Variants in GABPB1 observed in about 807,000 individuals in gnomAD.
GABPB1 encodes the protein GA binding protein transcription factor subunit beta 1.
Under a neutral mutation model 45.9 loss-of-function variants are expected in GABPB1, and 15 were observed. That is an observed-to-expected ratio of 0.33 (90% CI 0.22 to 0.50). The LOEUF (loss-of-function observed/expected upper bound fraction) is 0.50, where lower values mean the gene tolerates loss of function less well. Ranked by LOEUF, GABPB1 falls within the 20% of genes least tolerant of loss-of-function variation. The probability of loss-of-function intolerance (pLI) is 0.98; values close to 1 mark genes in which losing one functional copy is unlikely to be tolerated. For missense variants in GABPB1, 252 were observed against 457.5 expected (o/e 0.55, Z 4.10); for synonymous variants, 143 against 154.4 (o/e 0.93, Z 0.55).
intron 6 of GABPB1, among the ~76,000 whole-genome samples, chr15:50,300,027 A>T (rs1025029810): frequency 6.6e-6 from 1 of 152,112 alleles, no homozygotes; most frequent in Non-Finnish European, 1.5e-5. Context: ...CATGTTGCCC[A>T]GGGTTCTGGG....
At chr15:50,300,942 C>A (rs1303700315) in intron 5 of GABPB1, 40 bp from the exon 6 acceptor site, 2 of 1,224,182 alleles carry the variant, frequency 1.6e-6, no homozygotes, top group Admixed American at 3.4e-5. Context: ...TTCTAAGGAG[C>A]TTAATCCAAT....
chr15:50,286,651 TTATAA>T (rs2046165634), intron 7 of GABPB1, among the ~76,000 whole-genome samples: 1 of 152,310 alleles, frequency 6.6e-6, no homozygotes, highest in East Asian at 1.9e-4. Context: ...CTCCAAATAC[TTATAA>T]TATCTTACAT....
intron 7 of GABPB1, among the ~76,000 whole-genome samples, chr15:50,288,517 G>A (rs770634046): frequency 6.6e-6 from 1 of 151,948 alleles, no homozygotes; most frequent in Non-Finnish European, 1.5e-5. Flanking sequence ...CTGAGTCTGG[G>A]GCCCTATCCT....
chr15:50,342,985 C>T (rs373216914), intron 1 of GABPB1, among the ~76,000 whole-genome samples: 27 of 152,192 alleles, frequency 1.8e-4, no homozygotes, highest in African/African-American at 5.8e-4. Context: ...ACTGCAAGTC[C>T]GCCTCCCGGG....
intron 1 of GABPB1, among the ~76,000 whole-genome samples, chr15:50,317,666 T>C (rs1410428174): frequency 1.3e-5 from 2 of 152,096 alleles, no homozygotes; most frequent in African/African-American, 4.8e-5. Flanking sequence ...TCCCAGCACT[T>C]TGGGAGGCCG....
Position 50,329,547 on chromosome 15 carries a change from G to A in GABPB1, c.1-19749C>T, listed in dbSNP as rs28715736. Among the ~76,000 whole-genome samples the A allele has an allele frequency of 3.3e-3, 506 of 152,126 alleles. 3 individuals are homozygous for A. Among genetic ancestry groups the A allele is most frequent in the African/African-American group, 0.011 (464 of 41,510 alleles). ...TTTTTGCAGTTCTTTTATCCTTAGC[G>A]TATATGCCATTTAGTATTAAGCTCC... is the stretch of plus-strand genomic sequence containing the variant. On this transcript the variant is annotated intron_variant, in intron 1 of 8. Coordinates refer to ENST00000380877, the MANE Select transcript of GABPB1 (RefSeq NM_016654.5).
At chr15:50,336,624 A>AG in intron 1 of GABPB1, among the ~76,000 whole-genome samples, 1 of 151,594 alleles carries the variant, frequency 6.6e-6, no homozygotes, top group East Asian at 2.0e-4. Flanking sequence ...TCAAAGTTGC[A>AG]GTGAGCCATG....
intron 4 of GABPB1, 124 bp downstream of exon 4, chr15:50,302,805 C>A: frequency 1.5e-6 from 1 of 657,152 alleles, no homozygotes; most frequent in South Asian, 2.1e-5. Flanking sequence ...AAGGCCTATC[C>A]AAAATAACTA....
In GABPB1 at chr15:50,289,586, G is replaced by A. The variant is rs760934659; in HGVS notation, c.780C>T (p.Val260=). 1.9e-6 allele frequency: 3 copies of A among 1,613,306 alleles called. No individual in the cohort carries two copies. The highest frequency in any genetic ancestry group is 2.5e-6 in the Non-Finnish European group (3 of 1,179,736). Residue 260 remains valine, a synonymous_variant, in exon 7 of 9, where the codon GTC becomes GTT. Transcript: ENST00000380877. ...GAATTCCATCTGTAACTATTGTGAT[G>A]ACTTGCTGACCCCCTGAACTAACTA... The part of the protein sequence containing the change: ...QQVVSSGGQQ[V]ITIVTDGIQL...
chr15:50,322,838 G>A (rs1392504120), intron 1 of GABPB1, among the ~76,000 whole-genome samples: 1 of 151,914 alleles, frequency 6.6e-6, no homozygotes, highest in African/African-American at 2.4e-5. Flanking sequence ...ACCACCCTGG[G>A]CAACATGGCA....
At chr15:50,291,404 C>T (rs988027540) in intron 6 of GABPB1, among the ~76,000 whole-genome samples, 8 of 151,942 alleles carry the variant, frequency 5.3e-5, no homozygotes, top group Admixed American at 2.0e-4. Context: ...CTGCAACATC[C>T]GCCTCCCGAG....
rs191340075 is a variant in GABPB1 at position 50,275,428 on chromosome 15, C to T, written c.*3204G>A. 6.6e-6 allele frequency: 1 copy of T among 152,194 alleles called. No individual in the cohort carries two copies. The highest frequency in any genetic ancestry group is 2.4e-5 in the African/African-American group (1 of 41,448). 9.4% of individuals were successfully genotyped at this position (152,194 alleles called of 1,614,324 possible). On this transcript the variant is annotated 3_prime_UTR_variant, in exon 9 of 9. Transcript: ENST00000380877. ...TTTTTATTACAAACAAGTACAGATGCTCTCTGGCTTGCAATGGGGTTATGT... is the reference window on the plus strand; with the variant it reads ...TTTTTATTACAAACAAGTACAGATGTTCTCTGGCTTGCAATGGGGTTATGT...
intron 8 of GABPB1, among the ~76,000 whole-genome samples, chr15:50,282,863 T>C (rs2046030339): frequency 1.3e-5 from 2 of 152,130 alleles, no homozygotes; most frequent in South Asian, 4.1e-4. Context: ...GAGATCAGCC[T>C]GGCCAACCCG....
chr15:50,282,560 G>GAAAAGAAAAAAAAA (rs2046013811), intron 8 of GABPB1, among the ~76,000 whole-genome samples: 5 of 89,024 alleles, frequency 5.6e-5, no homozygotes, highest in Non-Finnish European at 4.7e-5. Flanking sequence ...CCTTAAAAAA[G>GAAAAGAAAAAAAAA]AAAAAAAAAA....
chr15:50,298,833 T>C (rs1430718337), intron 6 of GABPB1, among the ~76,000 whole-genome samples: 1 of 151,686 alleles, frequency 6.6e-6, no homozygotes, highest in Non-Finnish European at 1.5e-5. Flanking sequence ...ATGCCTGTAA[T>C]CCCAGCTACT....
chr15:50,326,656 C>T (rs935487216), intron 1 of GABPB1, among the ~76,000 whole-genome samples: 16 of 151,016 alleles, frequency 1.1e-4, no homozygotes, highest in East Asian at 2.0e-4. Context: ...AGTGAGACTC[C>T]GTCTCAAAAA....
intron 1 of GABPB1, among the ~76,000 whole-genome samples, chr15:50,330,897 T>A (rs1194489074): frequency 6.6e-6 from 1 of 152,126 alleles, no homozygotes; most frequent in Admixed American, 6.6e-5. Flanking sequence ...GTGGCAGTGA[T>A]AAACGGTATG....
rs2045871820 is a variant in GABPB1, at chr15:50,277,998, T to C, written c.*634A>G. The C allele has an allele frequency of 6.6e-6, 1 of 152,546 alleles. No individual in the cohort carries two copies. Among genetic ancestry groups the C allele is most frequent in the Non-Finnish European group, 1.5e-5 (1 of 68,038 alleles). The allele number at this position is 152,546 out of a possible 1,614,324, so 9.4% of individuals were successfully genotyped here. A position where few individuals can be genotyped will look rare whatever the true frequency, so the allele number is the denominator to read the frequency against. On this transcript the variant is annotated 3_prime_UTR_variant, in exon 9 of 9. Coordinates refer to ENST00000380877, the MANE Select transcript of GABPB1 (RefSeq NM_016654.5). ...GTGGGAGAAATACCTATGTAAGTGA[T>C]GCATTTTGAAATTATAAAACATGCA...
chr15:50,346,259 T>G (rs569086038), intron 1 of GABPB1: 1 of 152,330 alleles, frequency 6.6e-6, no homozygotes, highest in East Asian at 1.9e-4. Flanking sequence ...AGAAGGAATA[T>G]GAGACAACAG....
Sources: gnomAD v4.1 joint callset for allele counts (sites outside exome capture counted in the v4.1 genomes callset) on GRCh38, gnomAD v4.1.1 for gene constraint, MANE v1.5 for transcripts, NCBI Gene and HGNC (gene_info 2026-07-23, HGNC 2026-07-21) for gene names.